Variants in TENM3 observed in about 807,000 individuals in gnomAD.
The protein encoded by TENM3 is teneurin transmembrane protein 3.
In TENM3, 63 loss-of-function variants were observed where a neutral mutation model predicts 255.1. That is an observed-to-expected ratio of 0.25 (90% CI 0.20 to 0.30). TENM3 has a LOEUF of 0.30. Ranked by LOEUF, TENM3 falls within the 10% of genes least tolerant of loss-of-function variation. The pLI, the probability that TENM3 is intolerant of heterozygous loss-of-function variation, is 1.00. For missense variants in TENM3, 2,929 were observed against 3,461.1 expected, an observed-to-expected ratio of 0.85 and a Z score of 3.86; for synonymous variants, 1,306 against 1,322.3, an observed-to-expected ratio of 0.99 and a Z score of 0.27.
At chr4:182,538,935 T>C (rs543635945) in intron 3 of TENM3, among the ~76,000 whole-genome samples, 105 of 152,020 alleles carry the variant, frequency 6.9e-4, no homozygotes, top group Middle Eastern at 3.4e-3. Context: ...TTGAGACATT[T>C]TGCAGCATTC....
At chr4:182,132,075 C>T in the TENM3 span, among the ~76,000 whole-genome samples, 1 of 152,166 alleles carries the variant, frequency 6.6e-6, no homozygotes, top group Non-Finnish European at 1.5e-5. Flanking sequence ...GAGGAGGGAA[C>T]CACCCTTCTG....
chr4:181,684,178 G>A, the TENM3 span, among the ~76,000 whole-genome samples: 21 of 152,124 alleles, frequency 1.4e-4, no homozygotes, highest in Non-Finnish European at 2.8e-4. Context: ...TCCCAGATCC[G>A]ATTGATTCCG....
intron 1 of TENM3, among the ~76,000 whole-genome samples, chr4:182,264,178 G>T (rs1759076492): frequency 6.6e-6 from 1 of 152,202 alleles, no homozygotes; most frequent in African/African-American, 2.4e-5. Context: ...GAATTCTAAG[G>T]CTAGTCTTAA....
At chr4:182,130,143 C>T in the TENM3 span, among the ~76,000 whole-genome samples, 3 of 152,054 alleles carry the variant, frequency 2.0e-5, no homozygotes, top group Non-Finnish European at 4.4e-5. Flanking sequence ...ATCATAACTA[C>T]AAAAATAATG....
chr4:182,253,449 G>C (rs1262402779), intron 1 of TENM3, among the ~76,000 whole-genome samples: 1 of 152,074 alleles, frequency 6.6e-6, no homozygotes, highest in Non-Finnish European at 1.5e-5. Flanking sequence ...CTCCAGCCTG[G>C]GCGACAAGAG....
rs571902953 is a variant in TENM3, at chr4:182,469,953, A to C, written c.511+123024A>C. Among the ~76,000 whole-genome samples the C allele has an allele frequency of 2.0e-5, 3 of 152,162 alleles. No individual in the cohort carries two copies. The South Asian group carries it at 6.2e-4, about 32-fold the overall frequency. On this transcript the variant is annotated intron_variant, in intron 3 of 27. Transcript: ENST00000511685. ...CAGGACATCTGGAAGAGTTCCTATA[A>C]ATTTTAGTTTTTTAATTACAAAATA...
the TENM3 span, among the ~76,000 whole-genome samples, chr4:181,857,732 T>A: frequency 6.6e-6 from 1 of 151,794 alleles, no homozygotes; most frequent in Admixed American, 6.6e-5. Context: ...CACTCCAGCC[T>A]GGTGACAGAG....
At chr4:182,109,353 C>T in the TENM3 span, among the ~76,000 whole-genome samples, 2 of 150,236 alleles carry the variant, frequency 1.3e-5, no homozygotes, top group Non-Finnish European at 3.0e-5. Flanking sequence ...ATAATCACAA[C>T]ATATAGTGAT....
the TENM3 span, among the ~76,000 whole-genome samples, chr4:181,691,737 T>G: frequency 2.0e-5 from 3 of 152,196 alleles, no homozygotes; most frequent in Non-Finnish European, 4.4e-5. Context: ...CAATTTTATT[T>G]GCAATTAATA....
At chr4:181,772,887 C>CA in the TENM3 span, among the ~76,000 whole-genome samples, 1 of 152,194 alleles carries the variant, frequency 6.6e-6, no homozygotes. Flanking sequence ...CTTAATCTGG[C>CA]AGAGAATGCC....
chr4:182,208,000 C>G (rs1224020677), intron 1 of TENM3, among the ~76,000 whole-genome samples: 1 of 152,174 alleles, frequency 6.6e-6, no homozygotes, highest in African/African-American at 2.4e-5. Context: ...TGTGTTTCCT[C>G]AGAAGTTTTG....
At chr4:182,161,658 C>CACAAATATATATATATATGTATATATAT (rs1751216614) in intron 1 of TENM3, among the ~76,000 whole-genome samples, 3 of 85,202 alleles carry the variant, frequency 3.5e-5, no homozygotes, top group Non-Finnish European at 4.5e-5. Context: ...TATATACACA[C>CACAAATATATATATATATGTATATATAT]ACACAAATAT....
chr4:182,606,976 G>T (rs7670420), intron 4 of TENM3, among the ~76,000 whole-genome samples: 116,210 of 152,132 alleles, frequency 0.76, 49,846 homozygotes, highest in East Asian at 0.99. Context: ...GACCTGGTTT[G>T]TAATCCTGCA....
At chr4:182,260,246 A>G (rs550284979) in intron 1 of TENM3, among the ~76,000 whole-genome samples, 8 of 152,296 alleles carry the variant, frequency 5.3e-5, no homozygotes, top group African/African-American at 1.9e-4. Context: ...TCTTGTGGGT[A>G]GATACCCAGT....
chr4:181,952,811 T>TG, the TENM3 span, among the ~76,000 whole-genome samples: 11 of 152,200 alleles, frequency 7.2e-5, no homozygotes, highest in Non-Finnish European at 1.5e-4. Context: ...CCGCAGGCGC[T>TG]GGGGGGCCAA....
the TENM3 span, among the ~76,000 whole-genome samples, chr4:181,688,677 A>G: frequency 1.3e-5 from 2 of 152,150 alleles, no homozygotes; most frequent in Admixed American, 1.3e-4. Context: ...GACAATGGGA[A>G]ACAATATTTT....
chr4:181,752,648 T>G, the TENM3 span, among the ~76,000 whole-genome samples: 1 of 152,214 alleles, frequency 6.6e-6, no homozygotes, highest in Non-Finnish European at 1.5e-5. Flanking sequence ...TTTATTTTTT[T>G]GGAGTATGAG....
the TENM3 span, among the ~76,000 whole-genome samples, chr4:181,634,384 CTTTTTTT>C: frequency 1.7e-3 from 209 of 123,074 alleles, no homozygotes; most frequent in African/African-American, 5.9e-3. Context: ...TTTTTTAATT[CTTTTTTT>C]TTTTTTTTTT....
chr4:181,763,093 G>T, the TENM3 span, among the ~76,000 whole-genome samples: 1 of 152,024 alleles, frequency 6.6e-6, no homozygotes, highest in Non-Finnish European at 1.5e-5. Flanking sequence ...TGAATGACAA[G>T]GACTATTTAT....
Sources: allele counts gnomAD v4.1 joint callset (sites outside exome capture counted in the v4.1 genomes callset), GRCh38; gene constraint gnomAD v4.1.1; transcripts MANE v1.5; gene names NCBI Gene and HGNC (gene_info 2026-07-23, HGNC 2026-07-21).